Variants in CCDC88C observed in about 807,000 individuals in gnomAD.
CCDC88C encodes the protein coiled-coil and HOOK domain protein 88C.
In CCDC88C, 131 loss-of-function variants were observed where a neutral mutation model predicts 198.8. The ratio of observed to expected loss-of-function variants is 0.66; its 90% CI spans 0.57 to 0.76. The LOEUF (loss-of-function observed/expected upper bound fraction) is 0.76, where lower values mean the gene tolerates loss of function less well. Ranked by LOEUF, CCDC88C falls within the 30% of genes least tolerant of loss-of-function variation. CCDC88C has a pLI of 0.00. For synonymous variants in CCDC88C, 1,166 were observed against 1,114.7 expected (o/e 1.05, Z -0.92); for missense variants, 2,553 against 2,631.6 (o/e 0.97, Z 0.65).
At chr14:91,329,318 TG>T (rs954328454) in intron 10 of CCDC88C, among the ~76,000 whole-genome samples, 8 of 152,152 alleles carry the variant, frequency 5.3e-5, no homozygotes, top group African/African-American at 9.7e-5. Flanking sequence ...AAGTTCCAGG[TG>T]GGAACAGAAG....
At position 91,309,859 on chromosome 14, in the gene CCDC88C, G is replaced by A. The variant is rs376541224; in HGVS notation, c.2864C>T (p.Thr955Ile). 39 of 1,609,540 alleles carry A rather than the reference G, an allele frequency of 2.4e-5. No individual in the cohort carries two copies. The highest frequency in any genetic ancestry group is 4.4e-5 in the South Asian group (4 of 90,820). Residue 955 changes from threonine (T) to isoleucine (I), a missense_variant and splice_region_variant, in exon 16 of 30, where the codon ACA becomes ATA. Around this residue, in one of 2 missense-constraint regions of CCDC88C, gnomAD observed 1,260 missense variants for 1,412.0 expected, o/e 0.89. Transcript: ENST00000389857. ...LLQEDDSGSDTKYKILEGRNE... is the reference protein window; with the variant it reads ...LLQEDDSGSDIKYKILEGRNE... ...GGGGAGAGGGAGAAGAGGCCCTCAC[G>A]TGTCACTGCCGCTGTCGTCCTCCTG...
chr14:91,317,517 C>T (rs575936959), intron 13 of CCDC88C, among the ~76,000 whole-genome samples: 35 of 152,330 alleles, frequency 2.3e-4, no homozygotes, highest in Admixed American at 1.2e-3. Flanking sequence ...GCACCCTCTA[C>T]GTGTCAGACT....
At position 91,417,724 on chromosome 14, in the gene CCDC88C, GC is replaced by G; in HGVS notation, c.-35del. ...TGCGCCCGCCGGCTCCGCGCCCCCCGCCCCGCGTCCCCGTTCCCCCGCGCCG... is the reference window on the plus strand; with the variant it reads ...TGCGCCCGCCGGCTCCGCGCCCCCCGCCCGCGTCCCCGTTCCCCCGCGCCG... On this transcript the variant is annotated 5_prime_UTR_variant, in exon 1 of 30. Transcript: ENST00000389857. 1 of 1,470,396 alleles carries G rather than the reference GC, an allele frequency of 6.8e-7. No individual in the cohort carries two copies. Among genetic ancestry groups the G allele is most frequent in the Admixed American group, 2.2e-5 (1 of 44,544 alleles). The allele number at this position is 1,470,396 out of a possible 1,614,324, so 91.1% of individuals were successfully genotyped here. A position where few individuals can be genotyped will look rare whatever the true frequency, so the allele number is the denominator to read the frequency against.
intron 16 of CCDC88C, among the ~76,000 whole-genome samples, chr14:91,308,990 G>A (rs1437154107): frequency 6.6e-6 from 1 of 152,198 alleles, no homozygotes; most frequent in Non-Finnish European, 1.5e-5. Flanking sequence ...ACTTTGGGAT[G>A]CCAAGGCGGG....
chr14:91,277,907 G>A lies in CCDC88C; in HGVS notation c.5058+15C>T. 6.8e-7 allele frequency: 1 copy of A among 1,481,304 alleles called. No homozygotes were observed. The highest frequency in any genetic ancestry group is 9.0e-7 in the Non-Finnish European group (1 of 1,107,456). The allele number at this position is 1,481,304 out of a possible 1,614,324, so 91.8% of individuals were successfully genotyped here. The stretch of plus-strand genomic sequence containing the variant: ...GGGAAGAGAGACGGGCCAAGTCCGT[G>A]TCCGGATCACTCACATGGGTGGGGG... On this transcript the variant is annotated intron_variant, in intron 29 of 29. Coordinates refer to ENST00000389857, the MANE Select transcript of CCDC88C (RefSeq NM_001080414.4).
At chr14:91,297,239 A>G in intron 22 of CCDC88C, 66 bp downstream of exon 22, 8 of 1,510,074 alleles carry the variant, frequency 5.3e-6, no homozygotes, top group Non-Finnish European at 7.2e-6. Flanking sequence ...AGCTTGGCTG[A>G]GCCCTGGGCT....
At chr14:91,289,462 G>C (rs1379602774) in intron 24 of CCDC88C, 119 bp from the exon 25 acceptor site, 1 of 857,188 alleles carries the variant, frequency 1.2e-6, no homozygotes, top group Admixed American at 1.7e-5. Flanking sequence ...GGCCACTCAC[G>C]TGGGGTTCAG....
At chr14:91,306,098 A>AT (rs1033934611) in intron 18 of CCDC88C, among the ~76,000 whole-genome samples, 172 bp from the exon 19 acceptor site, 16 of 152,104 alleles carry the variant, frequency 1.1e-4, no homozygotes, top group African/African-American at 3.4e-4. Flanking sequence ...AATCAGCAGG[A>AT]TTTTTTTTAA....
At chr14:91,318,917 C>CAAAAAAAAAAAA (rs61183857) in intron 13 of CCDC88C, among the ~76,000 whole-genome samples, 1 of 105,288 alleles carries the variant, frequency 9.5e-6, no homozygotes. Context: ...AGACTCCGTC[C>CAAAAAAAAAAAA]AAAAAAAAAA....
intron 3 of CCDC88C, among the ~76,000 whole-genome samples, chr14:91,401,332 T>TTA (rs10655580): frequency 0.68 from 93,005 of 136,504 alleles, 31,777 homozygotes; most frequent in East Asian, 0.9. Flanking sequence ...ATTACATATA[T>TTA]TATATATATA....
In CCDC88C at chr14:91,403,312, A is replaced by C. The variant is rs138735113; in HGVS notation, c.270+5347T>G. ...ATGACAAAGACATACGTCTCCAACA[A>C]CACACAGGGAATGTATCCAGGCCAC... On this transcript the variant is annotated intron_variant, in intron 3 of 29. Transcript: ENST00000389857. Among the ~76,000 whole-genome samples the C allele has an allele frequency of 3.1e-3, 467 of 152,310 alleles. 1 individual carries two copies. The highest frequency in any genetic ancestry group is 0.011 in the African/African-American group (444 of 41,566).
chr14:91,407,684 A>C (rs1886580090), intron 3 of CCDC88C, among the ~76,000 whole-genome samples: 1 of 152,204 alleles, frequency 6.6e-6, no homozygotes, highest in Non-Finnish European at 1.5e-5. Flanking sequence ...GCTCCAAGGT[A>C]CACAGTTTCA....
In CCDC88C at chr14:91,342,455, C is replaced by T. The variant is rs1379837336; in HGVS notation, c.408G>A (p.Arg136=). Residue 136 remains arginine, a synonymous_variant, in exon 6 of 30, where the codon AGG becomes AGA. Coordinates refer to ENST00000389857, the MANE Select transcript of CCDC88C (RefSeq NM_001080414.4). ...TGATTCTTTCAATGAACTCCTCTTT[C>T]CTCTCACACTGCGGAGGGTTACATG... ...LVLGCAVQCE[R]KEEFIERIKQ... 1.3e-6 allele frequency: 2 copies of T among 1,588,460 alleles called. No homozygotes were observed. The highest frequency in any genetic ancestry group is 1.7e-6 in the Non-Finnish European group (2 of 1,166,186).
intron 3 of CCDC88C, among the ~76,000 whole-genome samples, chr14:91,397,264 G>A (rs1885902496): frequency 6.6e-6 from 1 of 152,188 alleles, no homozygotes; most frequent in Non-Finnish European, 1.5e-5. Flanking sequence ...ACAGCCACAG[G>A]GGCCTGGGTG....
intron 3 of CCDC88C, chr14:91,384,387 T>C (rs1194075311): frequency 4.1e-6 from 2 of 485,450 alleles, no homozygotes; most frequent in Admixed American, 2.1e-5. Context: ...AAATTCATCC[T>C]TTCCAGGGAA....
chr14:91,346,950 A>C (rs951803552), intron 4 of CCDC88C, among the ~76,000 whole-genome samples: 2 of 152,166 alleles, frequency 1.3e-5, no homozygotes, highest in Non-Finnish European at 2.9e-5. Context: ...CAAAGCCTCC[A>C]ATCAGTCTTT....
chr14:91,317,847 C>A (rs538076735), intron 13 of CCDC88C, among the ~76,000 whole-genome samples: 1 of 152,122 alleles, frequency 6.6e-6, no homozygotes, highest in Admixed American at 6.5e-5. Flanking sequence ...GGTGGGTGGG[C>A]GACGCCCCCG....
intron 27 of CCDC88C, chr14:91,280,046 C>T (rs935827009): frequency 1.1e-4 from 16 of 152,318 alleles, no homozygotes; most frequent in Admixed American, 1.0e-3. Context: ...TGGCACCATT[C>T]CCTACAGAGG....
At chr14:91,305,608 C>A in intron 19 of CCDC88C, among the ~76,000 whole-genome samples, 157 bp downstream of exon 19, 1 of 152,206 alleles carries the variant, frequency 6.6e-6, no homozygotes, top group Non-Finnish European at 1.5e-5. Context: ...CTTCACTGAT[C>A]ACTGTTTACA....
Sources: gnomAD v4.1 joint callset for allele counts (sites outside exome capture counted in the v4.1 genomes callset) on GRCh38, gnomAD v4.1.1 for gene constraint, gnomAD v4.1.1 regional missense constraint, MANE v1.5 for transcripts, NCBI Gene and HGNC (gene_info 2026-07-23, HGNC 2026-07-21) for gene names.